Variants in ALMS1 observed in about 807,000 individuals in gnomAD.
ALMS1 encodes the protein centrosome-associated protein ALMS1.
In ALMS1, 271 loss-of-function variants were observed where a neutral mutation model predicts 352.2. That is an observed-to-expected ratio of 0.77 (90% CI 0.70 to 0.85). The LOEUF is 0.85. ALMS1 is among the 40% of genes least tolerant of loss of function. The pLI is 0.00. For synonymous variants in ALMS1, 1,865 were observed against 1,761.2 expected, an observed-to-expected ratio of 1.06 and a Z score of -1.48; for missense variants, 5,445 against 4,870.7, an observed-to-expected ratio of 1.12 and a Z score of -3.51.
intron 14 of ALMS1, 64 bp downstream of exon 14, chr2:73,557,418 T>G: frequency 6.2e-7 from 1 of 1,600,478 alleles, no homozygotes; most frequent in South Asian, 1.1e-5. Context: ...ACTATTCCCT[T>G]AAGAACAGAA....
At chr2:73,502,929 G>C (rs913467081) in intron 10 of ALMS1, among the ~76,000 whole-genome samples, 1 of 152,028 alleles carries the variant, frequency 6.6e-6, no homozygotes, top group African/African-American at 2.4e-5. Flanking sequence ...TTGGGAATAC[G>C]TTGTTGACCT....
chr2:73,444,911 A>G (rs1411070988), intron 7 of ALMS1, among the ~76,000 whole-genome samples: 3 of 152,146 alleles, frequency 2.0e-5, no homozygotes, highest in Non-Finnish European at 2.9e-5. Context: ...TTATTTAGTT[A>G]TCAATAATTA....
chr2:73,444,425 C>G (rs1051551199), intron 7 of ALMS1, among the ~76,000 whole-genome samples: 2 of 152,188 alleles, frequency 1.3e-5, no homozygotes, highest in African/African-American at 4.8e-5. Context: ...ACCAGCAGTT[C>G]ATTAGCTTTT....
intron 1 of ALMS1, among the ~76,000 whole-genome samples, chr2:73,396,094 TATG>T (rs1480995133): frequency 2.6e-5 from 4 of 152,136 alleles, no homozygotes; most frequent in Non-Finnish European, 5.9e-5. Flanking sequence ...TACCCCCGAG[TATG>T]ATGTTAGTTG....
chr2:73,597,627 C>G (rs1237583182), intron 16 of ALMS1, among the ~76,000 whole-genome samples: 1 of 151,918 alleles, frequency 6.6e-6, no homozygotes, highest in Non-Finnish European at 1.5e-5. Context: ...TTATATTTTA[C>G]CATCTAAATC....
intron 1 of ALMS1, among the ~76,000 whole-genome samples, chr2:73,399,991 G>C (rs1447108104): frequency 2.1e-5 from 3 of 144,950 alleles, no homozygotes; most frequent in Non-Finnish European, 4.5e-5. Flanking sequence ...AGGCTAGAGT[G>C]CAGTGTTGCC....
intron 16 of ALMS1, among the ~76,000 whole-genome samples, chr2:73,579,831 A>G (rs1349164538): frequency 6.6e-6 from 1 of 152,070 alleles, no homozygotes. Context: ...TGACATTTTC[A>G]TTATAACATG....
chr2:73,564,655 T>C (rs1045406142), intron 15 of ALMS1, among the ~76,000 whole-genome samples: 1 of 152,116 alleles, frequency 6.6e-6, no homozygotes, highest in Non-Finnish European at 1.5e-5. Flanking sequence ...TGGACTTTCA[T>C]ACAAATGGGA....
At chr2:73,465,533 C>A (rs1182007098) in intron 9 of ALMS1, among the ~76,000 whole-genome samples, 1 of 152,166 alleles carries the variant, frequency 6.6e-6, no homozygotes, top group East Asian at 1.9e-4. Flanking sequence ...ACTGTGAAAA[C>A]CCTAGAAGAA....
intron 1 of ALMS1, among the ~76,000 whole-genome samples, chr2:73,388,776 G>A (rs1232210670): frequency 6.6e-6 from 1 of 152,080 alleles, no homozygotes; most frequent in African/African-American, 2.4e-5. Context: ...ACGGTGCTGT[G>A]ATAAACATAT....
chr2:73,392,202 A>G (rs748376186), intron 1 of ALMS1, among the ~76,000 whole-genome samples: 2 of 151,740 alleles, frequency 1.3e-5, no homozygotes, highest in Admixed American at 6.6e-5. Context: ...ATTAAAAATT[A>G]TTAATTTTAA....
chr2:73,429,935 A>T (rs910070931), intron 6 of ALMS1, among the ~76,000 whole-genome samples: 5 of 152,020 alleles, frequency 3.3e-5, no homozygotes, highest in Non-Finnish European at 5.9e-5. Flanking sequence ...TTCATTATTG[A>T]TTAAACATTG....
intron 16 of ALMS1, among the ~76,000 whole-genome samples, chr2:73,576,086 A>G (rs1558701089): frequency 6.6e-6 from 1 of 151,982 alleles, no homozygotes; most frequent in Non-Finnish European, 1.5e-5. Flanking sequence ...TTTTTTCCCC[A>G]TTGAATGTTC....
chr2:73,432,710 T>C (rs1295984081), intron 7 of ALMS1, among the ~76,000 whole-genome samples: 1 of 149,134 alleles, frequency 6.7e-6, no homozygotes, highest in Non-Finnish European at 1.5e-5. Flanking sequence ...TCCAAAAGCC[T>C]TACCTCCTTA....
intron 7 of ALMS1, among the ~76,000 whole-genome samples, chr2:73,442,804 C>A (rs1671743863): frequency 6.6e-6 from 1 of 152,162 alleles, no homozygotes. Flanking sequence ...AATTGTAGGA[C>A]TCTATCTAGA....
intron 1 of ALMS1, among the ~76,000 whole-genome samples, chr2:73,396,550 CTTTTTT>C (rs60473435): frequency 1.3e-5 from 1 of 78,258 alleles, no homozygotes; most frequent in Non-Finnish European, 2.3e-5. Flanking sequence ...GGTCTGAGCT[CTTTTTT>C]TTTTTTTTTT....
intron 9 of ALMS1, among the ~76,000 whole-genome samples, chr2:73,486,937 C>T (rs1672861053): frequency 6.6e-6 from 1 of 152,108 alleles, no homozygotes; most frequent in South Asian, 2.1e-4. Flanking sequence ...TGCCTGTTGT[C>T]CCAGCTATCC....
intron 10 of ALMS1, among the ~76,000 whole-genome samples, chr2:73,493,693 G>A (rs1673039436): frequency 6.6e-6 from 1 of 151,906 alleles, no homozygotes; most frequent in African/African-American, 2.4e-5. Context: ...CTGCACTCCA[G>A]CCTGGCAACA....
chr2:73,391,885 A>G (rs1017300813), intron 1 of ALMS1, among the ~76,000 whole-genome samples: 2 of 152,166 alleles, frequency 1.3e-5, no homozygotes, highest in African/African-American at 2.4e-5. Context: ...ATCACCATTT[A>G]AACTATCTCT....
Sources: allele counts gnomAD v4.1 joint callset (sites outside exome capture counted in the v4.1 genomes callset), GRCh38; gene constraint gnomAD v4.1.1; transcripts MANE v1.5; gene names NCBI Gene and HGNC (gene_info 2026-07-23, HGNC 2026-07-21).